The following PCNX4 variants were observed in gnomAD, a reference collection of about 807,000 sequenced individuals.
PCNX4 encodes pecanex 4, also known as pecanex-like protein 4.
PCNX4 carries 103 observed loss-of-function variants against 107.2 expected under a neutral mutation model. The ratio of observed to expected loss-of-function variants is 0.96; its 90% CI spans 0.82 to 1.13. The LOEUF (loss-of-function observed/expected upper bound fraction) is 1.13. PCNX4 is among the 50% of genes most tolerant of loss of function. The pLI is 0.00. For synonymous variants in PCNX4, 541 were observed against 481.7 expected, an observed-to-expected ratio of 1.12 and a Z score of -1.61; for missense variants, 1,528 against 1,379.4, an observed-to-expected ratio of 1.11 and a Z score of -1.71.
chr14:60,123,011 G>A (rs1205628328), intron 8 of PCNX4, among the ~76,000 whole-genome samples: 1 of 152,098 alleles, frequency 6.6e-6, no homozygotes, highest in Non-Finnish European at 1.5e-5. Context: ...CTCTAGGGGT[G>A]GGATCAGCAA....
rs967661475 is a variant in PCNX4, at chr14:60,136,934, A to G, written c.*2713A>G. On this transcript the variant is annotated 3_prime_UTR_variant, in exon 11 of 11. Transcript: ENST00000406854. The stretch of plus-strand genomic sequence containing the variant: ...TGTTTTACTTTGATCAAGGTCTGCA[A>G]AATAGCGGGGAGCTTACAAAATGGT... The G allele has an allele frequency of 6.6e-6, 1 of 152,498 alleles. No individual in the cohort carries two copies. Among genetic ancestry groups the G allele is most frequent in the Non-Finnish European group, 1.5e-5 (1 of 68,038 alleles). 9.4% of individuals were successfully genotyped at this position (152,498 alleles called of 1,614,324 possible).
chr14:60,096,065 A>G (rs1014729729), intron 1 of PCNX4, among the ~76,000 whole-genome samples: 4 of 152,220 alleles, frequency 2.6e-5, no homozygotes, highest in East Asian at 3.9e-4. Flanking sequence ...AATATAAGCA[A>G]TAAGCTTCTG....
chr14:60,111,863 A>T (rs1895746861), intron 2 of PCNX4, among the ~76,000 whole-genome samples: 1 of 152,188 alleles, frequency 6.6e-6, no homozygotes. Flanking sequence ...AAAGAAGAAA[A>T]TGACTAGTTT....
Position 60,114,709 on chromosome 14 carries a change from A to G in PCNX4, c.699A>G (p.Val233=). ...VSVDLAHRFV[V]NMPALEHMNQ... is the part of the protein sequence containing the mutation. ...CTTTTTTTTTATATAGGTTTGTGGTAAATATGCCAGCTCTAGAACACATGA... is the reference window on the plus strand; with the variant it reads ...CTTTTTTTTTATATAGGTTTGTGGTGAATATGCCAGCTCTAGAACACATGA... Residue 233 remains valine (V), a synonymous_variant, in exon 3 of 11, where the codon GTA becomes GTG. Coordinates refer to ENST00000406854, the MANE Select transcript of PCNX4 (RefSeq NM_001330177.2). The G allele has an allele frequency of 6.2e-7, 1 of 1,611,140 alleles. No homozygotes were observed. The highest frequency in any genetic ancestry group is 8.5e-7 in the Non-Finnish European group (1 of 1,178,346).
intron 10 of PCNX4, among the ~76,000 whole-genome samples, chr14:60,129,240 C>CAA (rs58442688): frequency 0.27 from 33,146 of 123,470 alleles, 5,553 homozygotes; most frequent in African/African-American, 0.5. Context: ...GACTCCATCT[C>CAA]AAAAAAAAAA....
chr14:60,111,498 G>A (rs1895740301), intron 2 of PCNX4, among the ~76,000 whole-genome samples: 1 of 152,112 alleles, frequency 6.6e-6, no homozygotes, highest in Non-Finnish European at 1.5e-5. Context: ...TTAAATGTGT[G>A]TATACACATG....
chr14:60,106,596 C>T (rs1431711179), intron 1 of PCNX4, among the ~76,000 whole-genome samples: 2 of 152,104 alleles, frequency 1.3e-5, no homozygotes, highest in Admixed American at 6.6e-5. Context: ...TAGATGTTTA[C>T]AATTTTAAAA....
At chr14:60,123,611 T>G (rs892970314) in intron 8 of PCNX4, among the ~76,000 whole-genome samples, 4 of 152,164 alleles carry the variant, frequency 2.6e-5, no homozygotes, top group African/African-American at 9.7e-5. Flanking sequence ...AAAATTTATG[T>G]AAGGATATAT....
chr14:60,133,092 ATG>A (rs1896183976), intron 10 of PCNX4, among the ~76,000 whole-genome samples: 1 of 152,224 alleles, frequency 6.6e-6, no homozygotes, highest in Non-Finnish European at 1.5e-5. Context: ...ATCCCTAAGT[ATG>A]TATACCTAAG....
intron 8 of PCNX4, 122 bp downstream of exon 8, chr14:60,121,421 AC>A: frequency 9.7e-7 from 1 of 1,034,372 alleles, no homozygotes; most frequent in Non-Finnish European, 1.4e-6. Flanking sequence ...CTGTGAAAAC[AC>A]CTAGGGATTT....
Position 60,114,693 on chromosome 14 carries a change from T to A in PCNX4, c.690-7T>A, listed in dbSNP as rs372180590. 6.1e-5 allele frequency: 97 copies of A among 1,598,430 alleles called. No homozygotes were observed. Among genetic ancestry groups the A allele is most frequent in the Non-Finnish European group, 7.1e-5 (83 of 1,171,758 alleles). On this transcript the variant is annotated splice_polypyrimidine_tract_variant and splice_region_variant and intron_variant, in intron 2 of 10. Transcript: ENST00000406854. The stretch of plus-strand genomic sequence containing the variant: ...GTGTGATTTAAATGTTCTTTTTTTT[T>A]ATATAGGTTTGTGGTAAATATGCCA...
intron 10 of PCNX4, among the ~76,000 whole-genome samples, chr14:60,132,220 C>T (rs1165304889): frequency 6.6e-6 from 1 of 152,124 alleles, no homozygotes; most frequent in Admixed American, 6.5e-5. Context: ...GTCTCTGTCT[C>T]CGTATTTACA....
chr14:60,122,376 T>C (rs1332100283), intron 8 of PCNX4, among the ~76,000 whole-genome samples: 1 of 152,092 alleles, frequency 6.6e-6, no homozygotes. Context: ...TCCTATTCCC[T>C]CTTTGGCCTT....
rs1350619976 is a variant in PCNX4, at chr14:60,125,018, T to C, written c.2847T>C (p.His949=). ...QFVLRQLECY[H]SEEKASNVLE... ...TTCTAAGGCAGTTGGAATGTTATCA[T>C]TCAGAAGAGAAGGCCTCAAATGTAC... is the stretch of plus-strand genomic sequence containing the variant. The change falls in exon 9 of 11, where the codon CAT becomes CAC. Residue 949 remains histidine, a synonymous_variant. Coordinates refer to ENST00000406854, the MANE Select transcript of PCNX4 (RefSeq NM_001330177.2). 1 of 1,613,780 alleles carries C rather than the reference T, an allele frequency of 6.2e-7. No homozygotes were observed. Among genetic ancestry groups the C allele is most frequent in the Admixed American group, 1.7e-5 (1 of 59,994 alleles).
At chr14:60,133,633 T>C in intron 10 of PCNX4, 2 of 489,152 alleles carry the variant, frequency 4.1e-6, no homozygotes, top group Non-Finnish European at 4.0e-6. Context: ...AAAGAGCCTA[T>C]TGTATCATTC....
rs388389 is a variant in PCNX4, at chr14:60,141,739, G to T, written c.*7518G>T. ...TTTTTATCGCTGAGTAGTGCTGCAT[G>T]GTATAGAATATAACAGTTTGTTTAT... On this transcript the variant is annotated 3_prime_UTR_variant, in exon 11 of 11. Coordinates refer to ENST00000406854, the MANE Select transcript of PCNX4 (RefSeq NM_001330177.2). 0.28 allele frequency: 41,954 copies of T among 152,094 alleles called. 8,042 individuals are homozygous for T. The highest frequency in any genetic ancestry group is 0.54 in the African/African-American group (22,505 of 41,440). The allele number at this position is 152,094 out of a possible 1,614,324, so 9.4% of individuals were successfully genotyped here. A position where few individuals can be genotyped will look rare whatever the true frequency, so the allele number is the denominator to read the frequency against.
chr14:60,100,800 A>G (rs1051698972), intron 1 of PCNX4, among the ~76,000 whole-genome samples: 2 of 152,184 alleles, frequency 1.3e-5, no homozygotes, highest in African/African-American at 4.8e-5. Flanking sequence ...CAAGGAAGAA[A>G]ATAAAAATGT....
At chr14:60,103,438 T>G (rs543955518) in intron 1 of PCNX4, among the ~76,000 whole-genome samples, 34 of 152,358 alleles carry the variant, frequency 2.2e-4, no homozygotes, top group African/African-American at 7.7e-4. Context: ...TCTATAATTT[T>G]TCAAACTGCC....
chr14:60,129,796 CAG>C (rs1483418833), intron 10 of PCNX4, among the ~76,000 whole-genome samples: 1 of 151,784 alleles, frequency 6.6e-6, no homozygotes, highest in African/African-American at 2.4e-5. Context: ...TCTTGTAAGA[CAG>C]AGATAGTAAG....
Sources: gnomAD v4.1 joint callset for allele counts (sites outside exome capture counted in the v4.1 genomes callset) on GRCh38, gnomAD v4.1.1 for gene constraint, MANE v1.5 for transcripts, NCBI Gene and HGNC (gene_info 2026-07-23, HGNC 2026-07-21) for gene names.